LAMA4: variants seen among roughly 807,000 people sequenced by gnomAD.
LAMA4 encodes laminin subunit alpha 4.
LAMA4 carries 127 observed loss-of-function variants against 207.1 expected under a neutral mutation model. That is an observed-to-expected ratio of 0.61 (90% CI 0.53 to 0.71). LAMA4 has a LOEUF of 0.71. LAMA4 is among the 30% of genes least tolerant of loss of function. LAMA4 has a pLI of 0.00. For missense variants in LAMA4, 2,093 were observed against 2,246.5 expected (o/e 0.93, Z 1.38); for synonymous variants, 761 against 816.0 (o/e 0.93, Z 1.15).
Position 112,142,165 on chromosome 6 carries a change from A to C in LAMA4, c.2621T>G (p.Leu874Arg). The C allele has an allele frequency of 6.2e-7, 1 of 1,614,124 alleles. No homozygotes were observed. The highest frequency in any genetic ancestry group is 8.5e-7 in the Non-Finnish European group (1 of 1,180,002). The change falls in exon 20 of 39, where the codon CTG becomes CGG. Residue 874 changes from leucine to arginine, a missense_variant. Physicochemically the swap from Leu to Arg is moderately radical, Grantham distance 102. Coordinates refer to ENST00000230538, the MANE Select transcript of LAMA4 (RefSeq NM_001105206.3). ...YMKPPVKRPE[L>R]TETADQFILY... ...GATAAACTGATCTGCAGTCTCGGTCAGTTCCGGCCGCTTCACAGGGGGTTT... is the reference window on the plus strand; with the variant it reads ...GATAAACTGATCTGCAGTCTCGGTCCGTTCCGGCCGCTTCACAGGGGGTTT...
chr6:112,194,723 AT>A (rs1419124536), intron 5 of LAMA4, among the ~76,000 whole-genome samples: 1 of 152,176 alleles, frequency 6.6e-6, no homozygotes, highest in Non-Finnish European at 1.5e-5. Flanking sequence ...TAATTAATAA[AT>A]TAGTGATTAT....
intron 8 of LAMA4, 76 bp downstream of exon 8, chr6:112,187,374 G>T: frequency 6.5e-7 from 1 of 1,531,892 alleles, no homozygotes; most frequent in East Asian, 2.3e-5. Context: ...TACAAAAAGG[G>T]GTAGAAGGAA....
intron 16 of LAMA4, among the ~76,000 whole-genome samples, chr6:112,153,515 C>T (rs1780518895): frequency 6.6e-6 from 1 of 151,894 alleles, no homozygotes; most frequent in South Asian, 2.1e-4. Flanking sequence ...GGGTAGGGAT[C>T]GATTAATGGT....
intron 31 of LAMA4, among the ~76,000 whole-genome samples, chr6:112,127,320 G>T (rs1437082254): frequency 2.0e-5 from 3 of 152,186 alleles, no homozygotes; most frequent in East Asian, 3.9e-4. Flanking sequence ...TAGGAGGCAG[G>T]CTGCAGTATT....
At chr6:112,153,334 G>T (rs1305855161) in intron 16 of LAMA4, among the ~76,000 whole-genome samples, 1 of 152,102 alleles carries the variant, frequency 6.6e-6, no homozygotes, top group African/African-American at 2.4e-5. Flanking sequence ...GTCCTATAAA[G>T]TTCTAAGCCA....
Position 112,216,887 on chromosome 6 carries a change from C to T in LAMA4, c.196-418G>A, listed in dbSNP as rs547443524. On this transcript the variant is annotated intron_variant, in intron 2 of 38. Coordinates refer to ENST00000230538, the MANE Select transcript of LAMA4 (RefSeq NM_001105206.3). ...TCCCTATAAATAAAGAAAGACTTCTCGTTTCAGCAATCACTAGCTATAGGA... is the reference window on the plus strand; with the variant it reads ...TCCCTATAAATAAAGAAAGACTTCTTGTTTCAGCAATCACTAGCTATAGGA... 8.0e-5 allele frequency: 20 copies of T among 248,716 alleles called. 1 individual carries two copies. The highest frequency in any genetic ancestry group is 6.6e-4 in the South Asian group (14 of 21,240). 15.4% of individuals were successfully genotyped at this position (248,716 alleles called of 1,614,324 possible).
chr6:112,245,657 T>C (rs902938745), intron 2 of LAMA4, among the ~76,000 whole-genome samples: 1 of 37,342 alleles, frequency 2.7e-5, no homozygotes, highest in Admixed American at 3.3e-4. Flanking sequence ...CCTGGATGAC[T>C]GGTCTACTCT....
intron 13 of LAMA4, among the ~76,000 whole-genome samples, chr6:112,160,178 T>TA (rs1177611784): frequency 1.3e-5 from 2 of 152,176 alleles, no homozygotes; most frequent in Non-Finnish European, 2.9e-5. Flanking sequence ...ATTTATTGGT[T>TA]AACTCCCTCA....
intron 15 of LAMA4, 197 bp downstream of exon 15, chr6:112,155,368 C>T: frequency 1.6e-6 from 1 of 619,556 alleles, no homozygotes; most frequent in Non-Finnish European, 2.8e-6. Flanking sequence ...CATTTGCTGA[C>T]TGGACTACAG....
chr6:112,114,518 T>A (rs1777898020), intron 37 of LAMA4, 145 bp downstream of exon 37: 2 of 716,934 alleles, frequency 2.8e-6, no homozygotes, highest in Non-Finnish European at 5.0e-6. Flanking sequence ...AGTATACACA[T>A]AATAGTATAA....
In LAMA4 at chr6:112,191,067, C is replaced by T. The variant is rs1404130724; in HGVS notation, c.718+569G>A. ...CTGGAGTGCGGTGGCACAATCTTGA[C>T]TCATGGCAACCTCTGCCTCCACCTC... On this transcript the variant is annotated intron_variant, in intron 6 of 38. Transcript: ENST00000230538. Among the ~76,000 whole-genome samples the T allele has an allele frequency of 4.0e-5, 6 of 151,510 alleles. No individual in the cohort carries two copies. The East Asian group carries it at 1.2e-3, about 29-fold the overall frequency.
chr6:112,190,932 TTTCTTTCTTTCTTTCCTTTCTTTCTTTC>T (rs1159513826), intron 6 of LAMA4, among the ~76,000 whole-genome samples: 42 of 88,702 alleles, frequency 4.7e-4, no homozygotes, highest in Admixed American at 7.6e-4. Flanking sequence ...TCTTTCTTTC[TTTCTTTCTTTCTTTCCTTTCTTTCTTTC>T]TTTCTTTCTT....
chr6:112,247,114 G>A (rs1008800183), intron 2 of LAMA4, among the ~76,000 whole-genome samples: 2 of 152,184 alleles, frequency 1.3e-5, no homozygotes, highest in South Asian at 2.1e-4. Context: ...AAAAATGAGG[G>A]AAAGGAAGGA....
intron 14 of LAMA4, among the ~76,000 whole-genome samples, chr6:112,155,995 T>C (rs1370140123): frequency 6.6e-6 from 1 of 152,338 alleles, no homozygotes; most frequent in East Asian, 1.9e-4. Context: ...AGGAGTTTGT[T>C]TATGTGATGG....
At chr6:112,124,195 C>G (rs2114610564) in intron 31 of LAMA4, among the ~76,000 whole-genome samples, 1 of 152,246 alleles carries the variant, frequency 6.6e-6, no homozygotes, top group Admixed American at 6.5e-5. Flanking sequence ...AGGACTTTCC[C>G]CAACTCTGGC....
chr6:112,206,518 C>T (rs73542545), intron 4 of LAMA4, among the ~76,000 whole-genome samples: 8,333 of 152,216 alleles, frequency 0.055, 722 homozygotes, highest in African/African-American at 0.19. Context: ...CAGGTCAAAA[C>T]GTAGCCAGAA....
In LAMA4 at chr6:112,187,480, A is replaced by C; in HGVS notation, c.936T>G (p.Asn312Lys). 1 of 1,614,106 alleles carries C rather than the reference A, an allele frequency of 6.2e-7. No homozygotes were observed. The highest frequency in any genetic ancestry group is 8.5e-7 in the Non-Finnish European group (1 of 1,179,998). The change falls in exon 8 of 39, where the codon AAT (asparagine) becomes AAG (lysine). Residue 312 changes from asparagine to lysine, a missense_variant. Transcript: ENST00000230538. ...SSGAAAHRHV[N>K]EINATIYLLK... is the part of the protein sequence containing the mutation. ...GGAGGTAGATGGTGGCGTTGATTTC[A>C]TTCACGTGCCTATGAGCGGCGGCCC...
intron 5 of LAMA4, among the ~76,000 whole-genome samples, chr6:112,194,798 T>G (rs1196481866): frequency 1.3e-5 from 2 of 152,018 alleles, no homozygotes; most frequent in Non-Finnish European, 2.9e-5. Flanking sequence ...AGTATTTGAG[T>G]TTAGAGTAAG....
intron 18 of LAMA4, among the ~76,000 whole-genome samples, chr6:112,146,205 G>T (rs1363982428): frequency 9.2e-5 from 14 of 151,930 alleles, no homozygotes; most frequent in African/African-American, 3.4e-4. Flanking sequence ...CGGGAGAATC[G>T]CTTGAACCCG....
Sources: allele counts gnomAD v4.1 joint callset (sites outside exome capture counted in the v4.1 genomes callset), GRCh38; gene constraint gnomAD v4.1.1; transcripts MANE v1.5; gene names NCBI Gene and HGNC (gene_info 2026-07-23, HGNC 2026-07-21).